The following TM7SF3 variants were observed in gnomAD, a reference collection of about 807,000 sequenced individuals.
The protein encoded by TM7SF3 is transmembrane 7 superfamily member 3.
In TM7SF3, 60 loss-of-function variants were observed where a neutral mutation model predicts 65.5. The observed-to-expected ratio is 0.92, with a 90% CI of 0.74 to 1.14. The LOEUF (loss-of-function observed/expected upper bound fraction) is 1.14. Among genes scored for constraint, TM7SF3 ranks in the 50% most tolerant of loss-of-function variants. TM7SF3 has a pLI of 0.00. For synonymous variants in TM7SF3, 264 were observed against 259.6 expected (o/e 1.02, Z -0.16); for missense variants, 623 against 684.8 (o/e 0.91, Z 1.01).
At chr12:26,979,652 A>G in intron 9 of TM7SF3, 132 bp downstream of exon 9, 1 of 983,592 alleles carries the variant, frequency 1.0e-6, no homozygotes, top group Non-Finnish European at 1.5e-6. Flanking sequence ...AAAGTGTCAC[A>G]CCATCAATGC....
chr12:26,991,404 G>A (rs1285885535), intron 5 of TM7SF3, among the ~76,000 whole-genome samples: 2 of 151,060 alleles, frequency 1.3e-5, no homozygotes, highest in African/African-American at 4.9e-5. Flanking sequence ...CACCCGCCTC[G>A]GCCTCCCAAA....
Position 27,014,216 on chromosome 12 carries a change from G to C in TM7SF3, c.-48C>G. ...CCACGCCAGGGCTGGGGAGAGGTGC[G>C]GGCGTGCGCGCCGGGGCCCCGCAGC... On this transcript the variant is annotated 5_prime_UTR_variant, in exon 1 of 12. Transcript: ENST00000343028. 1 of 1,528,186 alleles carries C rather than the reference G, an allele frequency of 6.5e-7. No homozygotes were observed. The highest frequency in any genetic ancestry group is 8.8e-7 in the Non-Finnish European group (1 of 1,132,122). 94.7% of individuals were successfully genotyped at this position (1,528,186 alleles called of 1,614,324 possible). A position where few individuals can be genotyped will look rare whatever the true frequency, so the allele number is the denominator to read the frequency against.
chr12:26,980,596 T>A lies in TM7SF3; in HGVS notation c.1006A>T (p.Ile336Phe), dbSNP rs1264763724. The change falls in exon 8 of 12, where the codon ATT becomes TTT. Residue 336 changes from isoleucine to phenylalanine, a missense_variant. Transcript: ENST00000343028. ...IIMGFFFYIL[I>F]TRLTPIKYDV... The stretch of plus-strand genomic sequence containing the variant: ...TACTTGATAGGTGTCAGTCTTGTAA[T>A]CAGTATATAAAAGAAGAATCCCATG... The A allele has an allele frequency of 6.4e-7, 1 of 1,567,816 alleles. No homozygotes were observed. The highest frequency in any genetic ancestry group is 2.3e-5 in the East Asian group (1 of 44,414).
At chr12:26,977,987 T>C (rs1315904162) in intron 9 of TM7SF3, 2 of 377,496 alleles carry the variant, frequency 5.3e-6, no homozygotes, top group South Asian at 2.0e-5. Flanking sequence ...TCCCAGCTAC[T>C]TGGGAGGCTG....
intron 4 of TM7SF3, among the ~76,000 whole-genome samples, chr12:26,996,146 T>C (rs1331990475): frequency 2.0e-5 from 3 of 151,788 alleles, no homozygotes; most frequent in Non-Finnish European, 2.9e-5. Flanking sequence ...AGACCTCATC[T>C]TTGATTTAAA....
intron 9 of TM7SF3, among the ~76,000 whole-genome samples, chr12:26,976,854 T>C (rs1939588324): frequency 6.6e-6 from 1 of 152,176 alleles, no homozygotes; most frequent in South Asian, 2.1e-4. Context: ...TCAAAGCATG[T>C]CCTGTCATGC....
At chr12:27,012,519 T>G (rs1941283568) in intron 1 of TM7SF3, among the ~76,000 whole-genome samples, 1 of 152,202 alleles carries the variant, frequency 6.6e-6, no homozygotes, top group African/African-American at 2.4e-5. Context: ...GCAACTAGTC[T>G]ATTAACCTCA....
At chr12:26,979,185 A>G (rs1394493703) in intron 9 of TM7SF3, 1 of 152,332 alleles carries the variant, frequency 6.6e-6, no homozygotes, top group African/African-American at 2.4e-5. Flanking sequence ...AACCAAATAG[A>G]ATACTTTTGA....
At chr12:26,992,307 G>A (rs1474593713) in intron 5 of TM7SF3, among the ~76,000 whole-genome samples, 4 of 151,832 alleles carry the variant, frequency 2.6e-5, no homozygotes, top group Non-Finnish European at 4.4e-5. Flanking sequence ...ACGGAATGTC[G>A]CTCTGTTGCC....
At chr12:26,982,211 T>G (rs1339885007) in intron 7 of TM7SF3, among the ~76,000 whole-genome samples, 4 of 152,126 alleles carry the variant, frequency 2.6e-5, no homozygotes, top group African/African-American at 9.7e-5. Flanking sequence ...ATTTTTTGTA[T>G]TTTTTGGAGA....
At chr12:26,987,345 C>T (rs1015366931) in intron 6 of TM7SF3, among the ~76,000 whole-genome samples, 1 of 152,142 alleles carries the variant, frequency 6.6e-6, no homozygotes, top group African/African-American at 2.4e-5. Flanking sequence ...CAGTGCTTCC[C>T]ACCTCAGCGA....
intron 3 of TM7SF3, 60 bp downstream of exon 3, chr12:26,999,466 G>C: frequency 6.5e-7 from 1 of 1,541,542 alleles, no homozygotes; most frequent in Non-Finnish European, 8.9e-7. Context: ...TTTCCTTAAA[G>C]TTTCATGAAC....
At chr12:26,995,068 TGA>T (rs1940532678) in intron 5 of TM7SF3, among the ~76,000 whole-genome samples, 167 bp downstream of exon 5, 1 of 152,218 alleles carries the variant, frequency 6.6e-6, no homozygotes, top group African/African-American at 2.4e-5. Context: ...AACATCATTT[TGA>T]GATATCACCA....
At chr12:27,003,529 C>T in intron 1 of TM7SF3, 139 bp from the exon 2 acceptor site, 1 of 782,812 alleles carries the variant, frequency 1.3e-6, no homozygotes, top group South Asian at 2.0e-5. Context: ...TATTTCACTG[C>T]TAAAGACAAT....
intron 3 of TM7SF3, among the ~76,000 whole-genome samples, chr12:26,997,689 C>T (rs1405220958): frequency 6.6e-6 from 1 of 152,024 alleles, no homozygotes; most frequent in African/African-American, 2.4e-5. Context: ...TTCACCTCAC[C>T]TTCACTCCTC....
At chr12:26,976,525 A>G (rs878981828) in intron 9 of TM7SF3, among the ~76,000 whole-genome samples, 168 bp from the exon 10 acceptor site, 1 of 152,198 alleles carries the variant, frequency 6.6e-6, no homozygotes, top group Admixed American at 6.5e-5. Flanking sequence ...TGTCAATACA[A>G]TCTTCTTTGA....
intron 6 of TM7SF3, among the ~76,000 whole-genome samples, chr12:26,989,529 T>G (rs186498330): frequency 6.6e-6 from 1 of 151,912 alleles, no homozygotes; most frequent in African/African-American, 2.4e-5. Flanking sequence ...CAATTGCATA[T>G]AGAGAGAGAA....
At chr12:26,987,769 C>T (rs1229925440) in intron 6 of TM7SF3, among the ~76,000 whole-genome samples, 2 of 152,008 alleles carry the variant, frequency 1.3e-5, no homozygotes, top group Non-Finnish European at 2.9e-5. Flanking sequence ...TACTGACACT[C>T]GAAGTACCTC....
At chr12:26,997,928 C>A (rs1442349048) in intron 3 of TM7SF3, among the ~76,000 whole-genome samples, 4 of 149,252 alleles carry the variant, frequency 2.7e-5, no homozygotes, top group Non-Finnish European at 4.4e-5. Flanking sequence ...CGGGTTCAAG[C>A]AATTCTCCTG....
Sources: allele counts gnomAD v4.1 joint callset (sites outside exome capture counted in the v4.1 genomes callset), GRCh38; gene constraint gnomAD v4.1.1; transcripts MANE v1.5; gene names NCBI Gene and HGNC (gene_info 2026-07-23, HGNC 2026-07-21).